Variants in PPM1G observed in about 807,000 individuals in gnomAD.
PPM1G encodes the protein protein phosphatase 1G.
In PPM1G, 12 loss-of-function variants were observed where a neutral mutation model predicts 59.4. That is an observed-to-expected ratio of 0.20 (90% CI 0.13 to 0.33). The LOEUF (loss-of-function observed/expected upper bound fraction) is 0.33. Ranked by LOEUF, PPM1G falls within the 10% of genes least tolerant of loss-of-function variation. The pLI is 1.00. For missense variants in PPM1G, 392 were observed against 681.3 expected (o/e 0.58, Z 4.73); for synonymous variants, 245 against 251.9 (o/e 0.97, Z 0.26).
Position 27,385,644 on chromosome 2 carries a change from C to T in PPM1G, c.409+103G>A. On this transcript the variant is annotated intron_variant, in intron 4 of 9. Transcript: ENST00000344034. The surrounding 1 kb of genome is among the most constrained non-coding windows in gnomAD (Gnocchi z 4.1). ...ATAGGTTTCTTTAACATAAGGACTC[C>T]CCAGGTCCCTAGAAAGCCATCCTAT... 2 of 1,458,144 alleles carry T rather than the reference C, an allele frequency of 1.4e-6. No homozygotes were observed. The highest frequency in any genetic ancestry group is 1.8e-6 in the Non-Finnish European group (2 of 1,086,454). The allele number at this position is 1,458,144 out of a possible 1,614,324, so 90.3% of individuals were successfully genotyped here.
chr2:27,407,398 G>C (rs1663408420), intron 1 of PPM1G, among the ~76,000 whole-genome samples: 1 of 151,554 alleles, frequency 6.6e-6, no homozygotes, highest in Non-Finnish European at 1.5e-5. Context: ...CAAGTAACTG[G>C]GACTACAGGT....
intron 3 of PPM1G, 154 bp from the exon 4 acceptor site, chr2:27,386,033 C>CA (rs1287996356): frequency 7.9e-7 from 1 of 1,267,438 alleles, no homozygotes. Context: ...AATAATAAGG[C>CA]AAGTCTAAAA....
rs138126361 is a variant in PPM1G, at chr2:27,389,957, G to T, written c.121-2799C>A. Among the ~76,000 whole-genome samples, 297 of 152,208 alleles carry T rather than the reference G, an allele frequency of 2.0e-3. 2 individuals are homozygous for T. Among genetic ancestry groups the T allele is most frequent in the African/African-American group, 6.7e-3 (277 of 41,524 alleles). ...CACTCCAGCCTGGGTGACAGAGGGA[G>T]ACCCCATCTCTAAAACAAAACAAAG... On this transcript the variant is annotated intron_variant, in intron 1 of 9. Coordinates refer to ENST00000344034, the MANE Select transcript of PPM1G (RefSeq NM_177983.3).
chr2:27,402,868 TA>T (rs1399122471), intron 1 of PPM1G, among the ~76,000 whole-genome samples: 3 of 146,444 alleles, frequency 2.0e-5, no homozygotes, highest in Non-Finnish European at 4.5e-5. Context: ...TAAACATAAA[TA>T]AAATTCCTCA....
At chr2:27,402,749 A>G (rs1342664292) in intron 1 of PPM1G, among the ~76,000 whole-genome samples, 2 of 151,816 alleles carry the variant, frequency 1.3e-5, no homozygotes, top group Non-Finnish European at 2.9e-5. Flanking sequence ...CGGAGCTTGC[A>G]GTAGCTGAGA....
At chr2:27,391,604 C>T (rs938637607) in intron 1 of PPM1G, among the ~76,000 whole-genome samples, 1 of 152,120 alleles carries the variant, frequency 6.6e-6, no homozygotes, top group African/African-American at 2.4e-5. Context: ...AATATTTTCT[C>T]CCATTCTATA....
intron 1 of PPM1G, among the ~76,000 whole-genome samples, chr2:27,399,950 CAAAAAA>C (rs56786173): frequency 9.3e-6 from 1 of 107,142 alleles, no homozygotes; most frequent in Non-Finnish European, 1.9e-5. Flanking sequence ...TTTATAATAG[CAAAAAA>C]AAAAAAAAAA....
intron 1 of PPM1G, among the ~76,000 whole-genome samples, chr2:27,398,279 A>C (rs1172079175): frequency 1.3e-5 from 2 of 152,172 alleles, no homozygotes; most frequent in East Asian, 3.9e-4. Context: ...GTTTAAACAA[A>C]TAGTGCTGGG....
At position 27,385,139 on chromosome 2, in the gene PPM1G, T is replaced by C. The variant is rs1006261364; in HGVS notation, c.410-51A>G. On this transcript the variant is annotated intron_variant, in intron 4 of 9. Transcript: ENST00000344034. This position sits in a 1 kb window ranked among gnomAD's most constrained non-coding sequence, Gnocchi z 4.1. ...CCCCCATGCCAGACTCCTCATGGGA[T>C]CCGTCCCTCTCACTACCTCAACAGC... 2.0e-5 allele frequency: 31 copies of C among 1,513,388 alleles called. No individual in the cohort carries two copies. The Admixed American group carries it at 4.7e-4, about 23-fold the overall frequency. The allele number at this position is 1,513,388 out of a possible 1,614,324, so 93.7% of individuals were successfully genotyped here.
intron 1 of PPM1G, among the ~76,000 whole-genome samples, chr2:27,399,295 A>T (rs779845366): frequency 1.3e-5 from 2 of 152,240 alleles, no homozygotes; most frequent in Non-Finnish European, 2.9e-5. Context: ...AGACAAAAAG[A>T]CAATCCAATT....
intron 1 of PPM1G, among the ~76,000 whole-genome samples, chr2:27,399,499 CCT>C (rs1322823560): frequency 6.6e-6 from 1 of 152,048 alleles, no homozygotes; most frequent in Non-Finnish European, 1.5e-5. Flanking sequence ...ATGGTAATGC[CCT>C]GTCTCTACTA....
chr2:27,396,665 A>G (rs1013192513), intron 1 of PPM1G, among the ~76,000 whole-genome samples: 1 of 151,612 alleles, frequency 6.6e-6, no homozygotes, highest in Non-Finnish European at 1.5e-5. Context: ...AAATACAAAA[A>G]TTAACTGGGC....
At position 27,409,533 on chromosome 2, in the gene PPM1G, G is replaced by C; in HGVS notation, c.-111C>G. On this transcript the variant is annotated 5_prime_UTR_variant, in exon 1 of 10. Transcript: ENST00000344034. Reference sequence around the variant, plus strand: ...GAGCAGGCCCCGCGGCGCGACCGACGCAAGGTGCCGGTGAAAGGCGCGAGG... The same window carrying C: ...GAGCAGGCCCCGCGGCGCGACCGACCCAAGGTGCCGGTGAAAGGCGCGAGG... 2 of 1,292,724 alleles carry C rather than the reference G, an allele frequency of 1.5e-6. No individual in the cohort carries two copies. The highest frequency in any genetic ancestry group is 2.0e-6 in the Non-Finnish European group (2 of 1,010,466). 80.1% of individuals were successfully genotyped at this position (1,292,724 alleles called of 1,614,324 possible).
chr2:27,382,664 G>A lies in PPM1G; in HGVS notation c.1202-59C>T. ...ATACTTCCCACAGACTTGTGTTTGT[G>A]GCAGGTCAAACCTTGCCATTCATTT... On this transcript the variant is annotated intron_variant, in intron 7 of 9. Coordinates refer to ENST00000344034, the MANE Select transcript of PPM1G (RefSeq NM_177983.3). The surrounding 1 kb of genome is among the most constrained non-coding windows in gnomAD (Gnocchi z 4.2). 1 of 1,599,300 alleles carries A rather than the reference G, an allele frequency of 6.3e-7. No homozygotes were observed. Among genetic ancestry groups the A allele is most frequent in the Non-Finnish European group, 8.6e-7 (1 of 1,168,622 alleles).
rs1683662468 is a variant in PPM1G, at chr2:27,382,701, A to G, written c.1202-96T>C. 1 of 1,486,240 alleles carries G rather than the reference A, an allele frequency of 6.7e-7. No individual in the cohort carries two copies. The highest frequency in any genetic ancestry group is 2.3e-5 in the East Asian group (1 of 44,042). The allele number at this position is 1,486,240 out of a possible 1,614,324, so 92.1% of individuals were successfully genotyped here. On this transcript the variant is annotated intron_variant, in intron 7 of 9. Transcript: ENST00000344034. This position sits in a 1 kb window ranked among gnomAD's most constrained non-coding sequence, Gnocchi z 4.2. Reference sequence around the variant, plus strand: ...CTTGCCATTCATTTCCCTTCTTTACAAAGTTCCATAATCTAGTGGAATGGG... The same window carrying G: ...CTTGCCATTCATTTCCCTTCTTTACGAAGTTCCATAATCTAGTGGAATGGG...
In PPM1G at chr2:27,399,982, T is replaced by C. The variant is rs571805766; in HGVS notation, c.120+9321A>G. ...AAAAAAAAAAAGTGGAAATCCAAAATGTCTATCAACTAATGAATGGATAAA... is the reference window on the plus strand; with the variant it reads ...AAAAAAAAAAAGTGGAAATCCAAAACGTCTATCAACTAATGAATGGATAAA... On this transcript the variant is annotated intron_variant, in intron 1 of 9. Transcript: ENST00000344034. 3.3e-3 allele frequency among the ~76,000 whole-genome samples: 472 copies of C among 142,230 alleles called. 1 individual carries two copies. Among genetic ancestry groups the C allele is most frequent in the African/African-American group, 0.012 (461 of 38,652 alleles). The allele number at this position is 142,230 out of a possible 152,430, so 93.3% of individuals were successfully genotyped here.
rs767993152 is a variant in PPM1G, at chr2:27,382,118, G to A, written c.1434+8C>T. 1 of 1,611,862 alleles carries A rather than the reference G, an allele frequency of 6.2e-7. No individual in the cohort carries two copies. The highest frequency in any genetic ancestry group is 8.5e-7 in the Non-Finnish European group (1 of 1,177,998). On this transcript the variant is annotated splice_region_variant and intron_variant, in intron 9 of 9. Coordinates refer to ENST00000344034, the MANE Select transcript of PPM1G (RefSeq NM_177983.3). This position sits in a 1 kb window ranked among gnomAD's most constrained non-coding sequence, Gnocchi z 4.2. ...CAGACACCCTCTCTTCTCCACCCTG[G>A]TACTCACCTCTTCCACAATGGATGA...
intron 1 of PPM1G, among the ~76,000 whole-genome samples, chr2:27,408,389 T>C (rs765155371): frequency 5.9e-5 from 9 of 152,006 alleles, no homozygotes; most frequent in Non-Finnish European, 1.2e-4. Flanking sequence ...TCTTCCTCCC[T>C]TTCCTCCCTA....
intron 1 of PPM1G, chr2:27,393,116 C>G (rs1047578072): frequency 3.8e-6 from 5 of 1,324,138 alleles, no homozygotes; most frequent in Non-Finnish European, 5.4e-6. Flanking sequence ...TCTTGATATC[C>G]TGAAGGAAGA....
Sources: gnomAD v4.1 joint callset for allele counts (sites outside exome capture counted in the v4.1 genomes callset) on GRCh38, gnomAD v4.1.1 for gene constraint, Gnocchi (gnomAD v3.1) non-coding constraint, MANE v1.5 for transcripts, NCBI Gene and HGNC (gene_info 2026-07-23, HGNC 2026-07-21) for gene names.